Variants in GMEB2 observed in about 807,000 individuals in gnomAD.
GMEB2 encodes glucocorticoid modulatory element binding protein 2, also known as glucocorticoid modulatory element-binding protein 2.
In GMEB2, 7 loss-of-function variants were observed where a neutral mutation model predicts 45.7. The ratio of observed to expected loss-of-function variants is 0.15; its 90% CI spans 0.09 to 0.29. The LOEUF (loss-of-function observed/expected upper bound fraction) is 0.29, where lower values mean the gene tolerates loss of function less well. Ranked by LOEUF, GMEB2 falls within the 10% of genes least tolerant of loss-of-function variation. GMEB2 has a pLI of 1.00. For missense variants in GMEB2, 582 were observed against 739.2 expected (o/e 0.79, Z 2.47); for synonymous variants, 322 against 323.6 (o/e 1.00, Z 0.05).
At chr20:63,612,032 T>C (rs1454581214) in intron 2 of GMEB2, among the ~76,000 whole-genome samples, 2 of 152,188 alleles carry the variant, frequency 1.3e-5, no homozygotes, top group African/African-American at 2.4e-5. Context: ...CTCCAGTCTG[T>C]GCAACAGAAC....
intron 2 of GMEB2, among the ~76,000 whole-genome samples, chr20:63,606,451 C>T (rs1601020665): frequency 1.3e-5 from 2 of 151,690 alleles, no homozygotes; most frequent in Admixed American, 1.3e-4. Context: ...GGGTTCACAC[C>T]ATTCTCCTGC....
Position 63,612,168 on chromosome 20 carries a change from T to C in GMEB2, c.131+7099A>G, listed in dbSNP as rs570049665. On this transcript the variant is annotated intron_variant, in intron 2 of 9. Transcript: ENST00000370077. ...CTAAGAAAGGAAAAAATATAAAAAA[T>C]AGAAAATTTAAAAAAGAGATGGTCT... Among the ~76,000 whole-genome samples, 6 of 152,142 alleles carry C rather than the reference T, an allele frequency of 3.9e-5. No individual in the cohort carries two copies. In the South Asian group the frequency reaches 8.3e-4, roughly 21 times the overall value.
intron 3 of GMEB2, 98 bp downstream of exon 3, chr20:63,604,645 A>C: frequency 2.6e-6 from 2 of 783,188 alleles, no homozygotes; most frequent in Non-Finnish European, 4.6e-6. Flanking sequence ...CCGAACAAAG[A>C]CCTTGTATAT....
chr20:63,598,818 C>T (rs1442340793), intron 4 of GMEB2, among the ~76,000 whole-genome samples: 1 of 152,204 alleles, frequency 6.6e-6, no homozygotes, highest in Admixed American at 6.5e-5. Context: ...GGCAGGAAGG[C>T]TGCACTGGCT....
At chr20:63,609,380 A>T (rs1459356418) in intron 2 of GMEB2, among the ~76,000 whole-genome samples, 1 of 97,876 alleles carries the variant, frequency 1.0e-5, no homozygotes, top group African/African-American at 4.3e-5. Flanking sequence ...TGCCCCTCTG[A>T]CCTCACCTCC....
intron 2 of GMEB2, among the ~76,000 whole-genome samples, chr20:63,613,604 C>T (rs1448923937): frequency 6.6e-6 from 1 of 150,904 alleles, no homozygotes; most frequent in African/African-American, 2.4e-5. Context: ...ACTGTAACCT[C>T]CATCTCCCTG....
rs1471030981 is a variant in GMEB2 at position 63,603,194 on chromosome 20, A to T, written c.230-102T>A. 3.0e-6 allele frequency: 4 copies of T among 1,351,236 alleles called. No homozygotes were observed. In the African/African-American group the frequency reaches 5.8e-5, roughly 20 times the overall value. 83.7% of individuals were successfully genotyped at this position (1,351,236 alleles called of 1,614,324 possible). A position where few individuals can be genotyped will look rare whatever the true frequency, so the allele number is the denominator to read the frequency against. Reference sequence around the variant, plus strand: ...TGCAGAAAATAGCTACCAACATGGAAACCAAAAATTAAAATCCAGGAAGGC... The same window carrying T: ...TGCAGAAAATAGCTACCAACATGGATACCAAAAATTAAAATCCAGGAAGGC... On this transcript the variant is annotated intron_variant, in intron 3 of 9. Coordinates refer to ENST00000370077, the MANE Select transcript of GMEB2 (RefSeq NM_012384.5).
intron 1 of GMEB2, among the ~76,000 whole-genome samples, chr20:63,626,445 ATCGCGTCCCTGCGGGTCGGGTGC>A (rs2089673487): frequency 8.7e-5 from 1 of 11,512 alleles, no homozygotes; most frequent in Non-Finnish European, 2.5e-4. Context: ...GCCCCTGGGG[ATCGCGTCCCTGCGGGTCGGGTGC>A]CTGCGGGGTG....
intron 6 of GMEB2, among the ~76,000 whole-genome samples, chr20:63,595,227 G>A (rs6090466): frequency 0.12 from 15,634 of 128,682 alleles, 952 homozygotes; most frequent in African/African-American, 0.18. Flanking sequence ...GCGCAGTTCC[G>A]TAAACCGCCA....
At chr20:63,595,801 G>A (rs765210467) in intron 5 of GMEB2, 34 bp from the exon 6 acceptor site, 11 of 1,608,362 alleles carry the variant, frequency 6.8e-6, no homozygotes, top group Admixed American at 5.0e-5. Context: ...CGTCCAGGTC[G>A]GCCCCAGAGC....
In GMEB2 at chr20:63,589,431, G is replaced by A. The variant is rs138096985; in HGVS notation, c.*658C>T. On this transcript the variant is annotated 3_prime_UTR_variant, in exon 10 of 10. Transcript: ENST00000370077. ...TGCAACAATGCCTGGACCACGCCTC[G>A]TCTGTGCGGCCCCTGGGCCACCTGA... 3.3e-5 allele frequency: 12 copies of A among 360,708 alleles called. No homozygotes were observed. The highest frequency in any genetic ancestry group is 8.1e-5 in the East Asian group (2 of 24,816). The allele number at this position is 360,708 out of a possible 1,614,324, so 22.3% of individuals were successfully genotyped here. A position where few individuals can be genotyped will look rare whatever the true frequency, so the allele number is the denominator to read the frequency against.
At chr20:63,610,933 G>A (rs1186348271) in intron 2 of GMEB2, among the ~76,000 whole-genome samples, 1 of 152,242 alleles carries the variant, frequency 6.6e-6, no homozygotes, top group Non-Finnish European at 1.5e-5. Context: ...ACCCAGGCAG[G>A]TGTCCTGGCA....
intron 2 of GMEB2, among the ~76,000 whole-genome samples, chr20:63,607,211 T>G (rs1397949727): frequency 8.1e-6 from 1 of 123,624 alleles, no homozygotes; most frequent in Non-Finnish European, 1.7e-5. Context: ...CCCACCTCCA[T>G]TTCTAGAAAC....
chr20:63,592,869 A>G lies in GMEB2; in HGVS notation c.691+142T>C. On this transcript the variant is annotated intron_variant, in intron 7 of 9. Coordinates refer to ENST00000370077, the MANE Select transcript of GMEB2 (RefSeq NM_012384.5). The surrounding 1 kb of genome is among the most constrained non-coding windows in gnomAD (Gnocchi z 8.2). ...GGTCAGCCTCAGAGCGCCCACGACA[A>G]TGCTGCTGGAACCAGGCCTTTCTCC... 1 of 719,346 alleles carries G rather than the reference A, an allele frequency of 1.4e-6. No individual in the cohort carries two copies. The highest frequency in any genetic ancestry group is 2.5e-6 in the Non-Finnish European group (1 of 406,742). 44.6% of individuals were successfully genotyped at this position (719,346 alleles called of 1,614,324 possible).
intron 1 of GMEB2, among the ~76,000 whole-genome samples, chr20:63,622,575 T>C (rs1197610658): frequency 6.6e-6 from 1 of 152,166 alleles, no homozygotes. Context: ...AGGCTGTCTT[T>C]TGTCTGGGTA....
At chr20:63,609,336 C>T (rs2089548558) in intron 2 of GMEB2, among the ~76,000 whole-genome samples, 2 of 99,298 alleles carry the variant, frequency 2.0e-5, no homozygotes, top group Non-Finnish European at 4.2e-5. Context: ...TAGAAACATG[C>T]CACTCTGACC....
chr20:63,594,019 C>T (rs2083173918), intron 6 of GMEB2, among the ~76,000 whole-genome samples: 1 of 152,236 alleles, frequency 6.6e-6, no homozygotes, highest in South Asian at 2.1e-4. Flanking sequence ...GACTCCTTCT[C>T]CAACACCACC....
At chr20:63,598,694 C>T (rs904817137) in intron 4 of GMEB2, among the ~76,000 whole-genome samples, 2 of 152,132 alleles carry the variant, frequency 1.3e-5, no homozygotes, top group African/African-American at 4.8e-5. Flanking sequence ...GTGCCACAGA[C>T]GGGAACACTA....
Position 63,589,489 on chromosome 20 carries a change from A to G in GMEB2, c.*600T>C, listed in dbSNP as rs2083124461. 1 of 289,910 alleles carries G rather than the reference A, an allele frequency of 3.4e-6. No individual in the cohort carries two copies. The highest frequency in any genetic ancestry group is 2.2e-5 in the African/African-American group (1 of 46,318). 18.0% of individuals were successfully genotyped at this position (289,910 alleles called of 1,614,324 possible). ...CTGGGGGCGGGGGAGGCAGGCACCC[A>G]TCAGGATCTGCACCCCAAGCTCCGG... On this transcript the variant is annotated 3_prime_UTR_variant, in exon 10 of 10. Transcript: ENST00000370077.
Sources: gnomAD v4.1 joint callset for allele counts (sites outside exome capture counted in the v4.1 genomes callset) on GRCh38, gnomAD v4.1.1 for gene constraint, Gnocchi (gnomAD v3.1) non-coding constraint, MANE v1.5 for transcripts, NCBI Gene and HGNC (gene_info 2026-07-23, HGNC 2026-07-21) for gene names.